The following FGFR2 variants were observed in gnomAD, a reference collection of about 807,000 sequenced individuals.
FGFR2 encodes the protein fibroblast growth factor receptor 2.
Under a neutral mutation model 95.9 loss-of-function variants are expected in FGFR2, and 19 were observed. That is an observed-to-expected ratio of 0.20 (90% CI 0.14 to 0.29). The LOEUF is 0.29. Ranked by LOEUF, FGFR2 falls within the 10% of genes least tolerant of loss-of-function variation. FGFR2 has a pLI of 1.00. For synonymous variants in FGFR2, 392 were observed against 393.3 expected (o/e 1.00, Z 0.04); for missense variants, 707 against 1,056.9 (o/e 0.67, Z 4.59).
chr10:121,577,178 T>TATATAGAGAG, intron 2 of FGFR2, among the ~76,000 whole-genome samples: 11 of 5,212 alleles, frequency 2.1e-3, no homozygotes, highest in East Asian at 7.9e-3. Flanking sequence ...TATATATATA[T>TATATAGAGAG]AGAGAGAGAG....
intron 2 of FGFR2, among the ~76,000 whole-genome samples, chr10:121,577,256 G>A (rs1157690823): frequency 7.5e-6 from 1 of 132,536 alleles, no homozygotes; most frequent in African/African-American, 2.9e-5. Context: ...CTTACAAATC[G>A]TATGACCTTG....
At position 121,502,448 on chromosome 10, in the gene FGFR2, A is replaced by G. The variant is rs41295607; in HGVS notation, c.1439+1342T>C. On this transcript the variant is annotated intron_variant, in intron 10 of 17. Transcript: ENST00000358487. ...TTACTTCCATTAACACTCTAACCAAATAATATCCATACAATTATTCAGTCC... is the reference window on the plus strand; with the variant it reads ...TTACTTCCATTAACACTCTAACCAAGTAATATCCATACAATTATTCAGTCC... Among the ~76,000 whole-genome samples, 839 of 152,324 alleles carry G rather than the reference A, an allele frequency of 5.5e-3. 7 individuals are homozygous for G. The highest frequency in any genetic ancestry group is 0.02 in the African/African-American group (817 of 41,582).
intron 1 of FGFR2, among the ~76,000 whole-genome samples, chr10:121,595,084 G>T (rs575168722): frequency 3.3e-5 from 5 of 152,292 alleles, no homozygotes; most frequent in Non-Finnish European, 7.3e-5. Context: ...ACAAGAAGGG[G>T]CTCATCAATC....
chr10:121,593,451 C>A (rs1305061638), intron 2 of FGFR2, among the ~76,000 whole-genome samples: 1 of 152,130 alleles, frequency 6.6e-6, no homozygotes, highest in Non-Finnish European at 1.5e-5. Context: ...TAAAGGCCAA[C>A]TCCCAGCTGT....
intron 5 of FGFR2, among the ~76,000 whole-genome samples, chr10:121,541,527 T>C (rs932517185): frequency 1.3e-5 from 2 of 152,174 alleles, no homozygotes; most frequent in Non-Finnish European, 2.9e-5. Context: ...TCCGACGTAA[T>C]ATATACAACG....
At chr10:121,490,298 G>A (rs1324678369) in intron 13 of FGFR2, among the ~76,000 whole-genome samples, 2 of 151,740 alleles carry the variant, frequency 1.3e-5, no homozygotes, top group Non-Finnish European at 2.9e-5. Flanking sequence ...CCAAGTAGCT[G>A]GGATTGCAGG....
chr10:121,563,363 G>A (rs1281866129), intron 4 of FGFR2, among the ~76,000 whole-genome samples: 1 of 152,138 alleles, frequency 6.6e-6, no homozygotes, highest in Non-Finnish European at 1.5e-5. Context: ...GACAGAACAA[G>A]ACTGCATCTC....
chr10:121,484,094 C>T (rs913010846), intron 16 of FGFR2, among the ~76,000 whole-genome samples: 3 of 152,006 alleles, frequency 2.0e-5, no homozygotes, highest in East Asian at 1.9e-4. Context: ...CTCACAATGG[C>T]GTCACACCCT....
intron 6 of FGFR2, chr10:121,538,327 T>C: frequency 5.1e-6 from 4 of 780,968 alleles, no homozygotes; most frequent in East Asian, 2.4e-5. Context: ...TTCCAAAATG[T>C]CAGACATTTC....
chr10:121,506,582 G>T (rs1174645644), intron 9 of FGFR2, among the ~76,000 whole-genome samples: 2 of 152,106 alleles, frequency 1.3e-5, no homozygotes, highest in Admixed American at 6.5e-5. Context: ...CCTGGATGAC[G>T]TTAACACCCA....
At chr10:121,595,554 TCTTAA>T (rs1347545578) in intron 1 of FGFR2, among the ~76,000 whole-genome samples, 2 of 152,254 alleles carry the variant, frequency 1.3e-5, no homozygotes, top group Admixed American at 6.5e-5. Flanking sequence ...AGATTTTTCC[TCTTAA>T]CTTTTCTTTC....
At chr10:121,544,439 G>A (rs1185782906) in intron 5 of FGFR2, among the ~76,000 whole-genome samples, 5 of 127,924 alleles carry the variant, frequency 3.9e-5, no homozygotes, top group Non-Finnish European at 4.8e-5. Flanking sequence ...GTGAAACTCC[G>A]TCTTAAAAAA....
chr10:121,593,880 C>T lies in FGFR2; in HGVS notation c.-63G>A, dbSNP rs1554869191. ...CATGTGGACGTTAATCCCATCTGCA[C>T]ACTTCCTCTACGGGCATGGACTACG... On this transcript the variant is annotated 5_prime_UTR_variant, in exon 2 of 18. It adds an upstream start codon to the 5' untranslated region. Transcript: ENST00000358487. The T allele has an allele frequency of 2.0e-6, 3 of 1,480,736 alleles. No individual in the cohort carries two copies. In the South Asian group the frequency reaches 3.4e-5, roughly 17 times the overall value. 91.7% of individuals were successfully genotyped at this position (1,480,736 alleles called of 1,614,324 possible).
At chr10:121,595,824 C>T (rs2135512735) in intron 1 of FGFR2, among the ~76,000 whole-genome samples, 1 of 152,306 alleles carries the variant, frequency 6.6e-6, no homozygotes, top group East Asian at 1.9e-4. Flanking sequence ...GTGGACAGGG[C>T]GCTCCGCTGA....
At chr10:121,555,776 C>T (rs1293276884) in intron 4 of FGFR2, among the ~76,000 whole-genome samples, 3 of 152,204 alleles carry the variant, frequency 2.0e-5, no homozygotes, top group Non-Finnish European at 4.4e-5. Context: ...ATTTTCTACA[C>T]TGTAACAGTC....
chr10:121,492,026 A>C (rs1221975877), intron 13 of FGFR2, among the ~76,000 whole-genome samples: 2 of 151,762 alleles, frequency 1.3e-5, no homozygotes, highest in Non-Finnish European at 2.9e-5. Flanking sequence ...TCTACCAAAA[A>C]ATAGCCAGGT....
intron 6 of FGFR2, among the ~76,000 whole-genome samples, chr10:121,524,968 A>G (rs1033838708): frequency 6.6e-6 from 1 of 152,240 alleles, no homozygotes; most frequent in Non-Finnish European, 1.5e-5. Context: ...CTCTTCTTCT[A>G]TGTGATAACA....
intron 2 of FGFR2, among the ~76,000 whole-genome samples, chr10:121,591,825 C>G (rs1331125958): frequency 1.3e-5 from 2 of 152,158 alleles, no homozygotes; most frequent in Non-Finnish European, 2.9e-5. Context: ...CCACAGATCC[C>G]AGGTTGAGCA....
chr10:121,571,596 C>T (rs1427068088), intron 2 of FGFR2, among the ~76,000 whole-genome samples: 2 of 151,772 alleles, frequency 1.3e-5, no homozygotes, highest in Middle Eastern at 3.2e-3. Flanking sequence ...TGGTAGCCAC[C>T]GCACCTGGCC....
Sources: gnomAD v4.1 joint callset for allele counts (sites outside exome capture counted in the v4.1 genomes callset) on GRCh38, gnomAD v4.1.1 for gene constraint, MANE v1.5 for transcripts, NCBI Gene and HGNC (gene_info 2026-07-23, HGNC 2026-07-21) for gene names.